The following OSBPL9 variants were observed in gnomAD, a reference collection of about 807,000 sequenced individuals.
The protein encoded by OSBPL9 is oxysterol binding protein like 9.
Under a neutral mutation model 106.6 loss-of-function variants are expected in OSBPL9, and 40 were observed. The ratio of observed to expected loss-of-function variants is 0.38; its 90% confidence interval spans 0.29 to 0.49. The LOEUF is 0.49. Ranked by LOEUF, OSBPL9 falls within the 20% of genes least tolerant of loss-of-function variation. The pLI is 0.97. For synonymous variants in OSBPL9, 269 were observed against 295.4 expected (o/e 0.91, Z 0.92); for missense variants, 609 against 887.2 (o/e 0.69, Z 3.98).
At chr1:51,772,440 G>A (rs560992643) in intron 13 of OSBPL9, among the ~76,000 whole-genome samples, 165 bp from the exon 14 acceptor site, 87 of 152,296 alleles carry the variant, frequency 5.7e-4, no homozygotes, top group African/African-American at 1.9e-3. Flanking sequence ...GCTTGAACCT[G>A]GAAGATGGAG....
chr1:51,782,619 G>A lies in OSBPL9; in HGVS notation c.1489G>A (p.Glu497Lys), dbSNP rs1247922765. Residue 497 changes from glutamate to lysine, a missense_variant, in exon 17 of 24, where the codon GAG (glutamate) becomes AAG (lysine). Physicochemically the swap from Glu to Lys is moderately conservative, Grantham distance 56 (BLOSUM62 1). Around this residue, in one of 5 missense-constraint regions of OSBPL9, gnomAD observed 356 missense variants for 505.8 expected, o/e 0.70. Transcript: ENST00000428468. ...VSKNSVTFVA[E>K]QVSHHPPISA... The stretch of plus-strand genomic sequence containing the variant: ...CAAAAACAGTGTAACATTTGTGGCT[G>A]AGCAGGTTTCCCATCATCCACCCAG... 10 of 1,613,828 alleles carry A rather than the reference G, an allele frequency of 6.2e-6. No homozygotes were observed. Among genetic ancestry groups the A allele is most frequent in the Non-Finnish European group, 7.6e-6 (9 of 1,179,884 alleles).
intron 3 of OSBPL9, among the ~76,000 whole-genome samples, chr1:51,674,520 G>A (rs1387111214): frequency 6.6e-6 from 1 of 152,178 alleles, no homozygotes; most frequent in Non-Finnish European, 1.5e-5. Context: ...ACACATAGAT[G>A]ATGGTAATTG....
chr1:51,605,445 A>G (rs1394127678), intron 2 of OSBPL9, among the ~76,000 whole-genome samples: 1 of 151,990 alleles, frequency 6.6e-6, no homozygotes, highest in African/African-American at 2.4e-5. Context: ...AAGATAAAAA[A>G]GAAAATCTTC....
At position 51,787,466 on chromosome 1, in the gene OSBPL9, A is replaced by G. The variant is rs1363762145; in HGVS notation, c.2114A>G (p.Lys705Arg). The change falls in exon 23 of 24, where the codon AAG (lysine) becomes AGG (arginine). Residue 705 changes from lysine to arginine, a missense_variant. By Grantham distance (26) the Lys-to-Arg change is conservative (BLOSUM62 2). Around this residue, in one of 5 missense-constraint regions of OSBPL9, gnomAD observed 132 missense variants for 158.1 expected, o/e 0.83. Coordinates refer to ENST00000428468, the MANE Select transcript of OSBPL9 (RefSeq NM_024586.6). ...QRAEARERKE[K>R]EIQWETRLFH... is the part of the protein sequence containing the mutation. ...GCAGAAGCCCGAGAAAGGAAGGAGA[A>G]GGAAATTCAGTGGGAGACAAGGGTA... is the stretch of plus-strand genomic sequence containing the variant. The G allele has an allele frequency of 6.2e-7, 1 of 1,613,932 alleles. No homozygotes were observed. The highest frequency in any genetic ancestry group is 1.3e-5 in the African/African-American group (1 of 74,930).
At chr1:51,712,277 C>T (rs1407289596) in intron 3 of OSBPL9, among the ~76,000 whole-genome samples, 1 of 152,234 alleles carries the variant, frequency 6.6e-6, no homozygotes, top group Admixed American at 6.5e-5. Context: ...CGGCGCGCGC[C>T]TGCAATCGCA....
chr1:51,631,995 G>A (rs997729777), intron 1 of OSBPL9, among the ~76,000 whole-genome samples: 3 of 152,114 alleles, frequency 2.0e-5, no homozygotes, highest in Non-Finnish European at 4.4e-5. Flanking sequence ...GGTCTTTAGG[G>A]CAATAACTCA....
At chr1:51,594,429 AAAG>A (rs1645290239) in intron 1 of OSBPL9, among the ~76,000 whole-genome samples, 2 of 152,030 alleles carry the variant, frequency 1.3e-5, no homozygotes, top group African/African-American at 4.8e-5. Flanking sequence ...AAGAAACAGA[AAAG>A]AAAAAAGAAA....
At chr1:51,740,099 G>A (rs1434725695) in intron 4 of OSBPL9, 9 of 1,547,518 alleles carry the variant, frequency 5.8e-6, no homozygotes, top group African/African-American at 1.4e-5. Flanking sequence ...TAGACTCACA[G>A]CATGGTAACT....
chr1:51,780,501 G>A (rs185629800), intron 15 of OSBPL9, among the ~76,000 whole-genome samples: 5 of 152,238 alleles, frequency 3.3e-5, no homozygotes, highest in African/African-American at 9.6e-5. Context: ...TAAAGAAAAC[G>A]TGGCATATAT....
intron 4 of OSBPL9, among the ~76,000 whole-genome samples, chr1:51,721,421 T>C (rs565454194): frequency 1.4e-4 from 21 of 152,294 alleles, no homozygotes; most frequent in Admixed American, 7.8e-4. Flanking sequence ...CCTTTTTTTT[T>C]CCCAAAAGAA....
chr1:51,561,269 A>C, the OSBPL9 span, among the ~76,000 whole-genome samples: 1 of 152,154 alleles, frequency 6.6e-6, no homozygotes, highest in African/African-American at 2.4e-5. Flanking sequence ...CTGTACTTAA[A>C]TTCTAGCTTT....
chr1:51,544,846 T>TTG, the OSBPL9 span, among the ~76,000 whole-genome samples: 67 of 138,678 alleles, frequency 4.8e-4, no homozygotes, highest in Non-Finnish European at 8.6e-4. Flanking sequence ...GCTTTTTTTT[T>TTG]TTTTTTTTTT....
At chr1:51,721,245 G>A (rs1662076746) in intron 4 of OSBPL9, among the ~76,000 whole-genome samples, 1 of 152,012 alleles carries the variant, frequency 6.6e-6, no homozygotes, top group Non-Finnish European at 1.5e-5. Context: ...GGAAAGGGAG[G>A]GCTGAAGGGA....
rs765226996 is a variant in OSBPL9 at position 51,784,563 on chromosome 1, A to G, written c.1810A>G (p.Arg604Gly). The G allele has an allele frequency of 7.4e-6, 12 of 1,614,126 alleles. No individual in the cohort carries two copies. Among genetic ancestry groups the G allele is most frequent in the Non-Finnish European group, 1.0e-5 (12 of 1,179,978 alleles). Residue 604 changes from arginine to glycine, a missense_variant, in exon 20 of 24, where the codon AGA (arginine) becomes GGA (glycine). Physicochemically the swap from Arg to Gly is moderately radical, Grantham distance 125. Coordinates refer to ENST00000428468, the MANE Select transcript of OSBPL9 (RefSeq NM_024586.6). ...TKPFYGGKKH[R>G]ITAEIFSPND... is the part of the protein sequence containing the mutation. ...ACCCTTCTATGGGGGCAAGAAGCAC[A>G]GAATTACTGCCGAGATTTTGTAGGT...
At chr1:51,718,930 A>G (rs1425804637) in intron 4 of OSBPL9, among the ~76,000 whole-genome samples, 3 of 152,174 alleles carry the variant, frequency 2.0e-5, no homozygotes, top group African/African-American at 7.2e-5. Flanking sequence ...TGACCACAGG[A>G]TGTTTTCTTG....
intron 1 of OSBPL9, among the ~76,000 whole-genome samples, chr1:51,627,884 G>T (rs1411873036): frequency 6.6e-6 from 1 of 152,106 alleles, no homozygotes; most frequent in Non-Finnish European, 1.5e-5. Context: ...TGATAGCTTT[G>T]TTGCTAAACC....
chr1:51,711,032 CTTT>C (rs60016006), intron 3 of OSBPL9, among the ~76,000 whole-genome samples: 1 of 144,816 alleles, frequency 6.9e-6, no homozygotes, highest in African/African-American at 2.5e-5. Context: ...TCTATATTTT[CTTT>C]TTTTTTTTTT....
the OSBPL9 span, among the ~76,000 whole-genome samples, chr1:51,564,478 C>G: frequency 6.6e-6 from 1 of 150,600 alleles, no homozygotes; most frequent in Non-Finnish European, 1.5e-5. Context: ...CCCCAGGACC[C>G]TCTGATTTCC....
chr1:51,607,086 A>C (rs547881224), intron 2 of OSBPL9, among the ~76,000 whole-genome samples: 1 of 152,006 alleles, frequency 6.6e-6, no homozygotes, highest in Non-Finnish European at 1.5e-5. Context: ...TGGAAAACAC[A>C]AAAGTATAAA....
Sources: gnomAD v4.1 joint callset for allele counts (sites outside exome capture counted in the v4.1 genomes callset) on GRCh38, gnomAD v4.1.1 for gene constraint, gnomAD v4.1.1 regional missense constraint, MANE v1.5 for transcripts, NCBI Gene and HGNC (gene_info 2026-07-23, HGNC 2026-07-21) for gene names.